FBXL17: variants seen among roughly 807,000 people sequenced by gnomAD.
FBXL17 encodes F-box and leucine rich repeat protein 17.
A neutral mutation model predicts 66.2 loss-of-function variants in FBXL17; 22 were observed. The observed-to-expected ratio is 0.33, with a 90% confidence interval of 0.24 to 0.47. The LOEUF (loss-of-function observed/expected upper bound fraction) is 0.47. Among genes scored for constraint, FBXL17 ranks in the 20% least tolerant of loss-of-function variants. The pLI, the probability that FBXL17 is intolerant of heterozygous loss-of-function variation, is 1.00. For synonymous variants in FBXL17, 474 were observed against 400.5 expected, an observed-to-expected ratio of 1.18 and a Z score of -2.19; for missense variants, 878 against 948.2, an observed-to-expected ratio of 0.93 and a Z score of 0.97.
chr5:108,068,603 G>C (rs951276901), intron 6 of FBXL17, among the ~76,000 whole-genome samples: 1 of 151,896 alleles, frequency 6.6e-6, no homozygotes, highest in Admixed American at 6.6e-5. Flanking sequence ...CTACAGGCGC[G>C]TGCCACCATG....
At chr5:108,341,984 C>T (rs1453124199) in intron 4 of FBXL17, among the ~76,000 whole-genome samples, 1 of 152,048 alleles carries the variant, frequency 6.6e-6, no homozygotes, top group African/African-American at 2.4e-5. Context: ...ACTATTTTTG[C>T]AATTGGTGTT....
chr5:108,184,664 A>T (rs1295428617), intron 6 of FBXL17, among the ~76,000 whole-genome samples: 1 of 147,836 alleles, frequency 6.8e-6, no homozygotes, highest in African/African-American at 2.5e-5. Context: ...GAATCCCTTG[A>T]ACCCAGGAGG....
chr5:107,964,731 G>C (rs931749062), intron 7 of FBXL17, among the ~76,000 whole-genome samples: 1 of 152,076 alleles, frequency 6.6e-6, no homozygotes, highest in African/African-American at 2.4e-5. Flanking sequence ...CATTCACCCA[G>C]GTATACAAAT....
At chr5:107,967,451 C>T (rs1211982079) in intron 7 of FBXL17, among the ~76,000 whole-genome samples, 2 of 145,586 alleles carry the variant, frequency 1.4e-5, no homozygotes. Context: ...TTTAAAACAA[C>T]ATTTTCACTC....
At chr5:108,251,110 T>C (rs969371097) in intron 4 of FBXL17, among the ~76,000 whole-genome samples, 2 of 152,088 alleles carry the variant, frequency 1.3e-5, no homozygotes, top group Non-Finnish European at 1.5e-5. Flanking sequence ...TTTCTTGCAG[T>C]CCAACTCTCA....
intron 6 of FBXL17, among the ~76,000 whole-genome samples, chr5:108,064,080 A>T (rs1320232408): frequency 1.3e-5 from 2 of 152,178 alleles, no homozygotes; most frequent in African/African-American, 4.8e-5. Flanking sequence ...CTGTTTAAAT[A>T]TTCATAATTA....
At chr5:107,884,453 C>T (rs1748893722) in intron 7 of FBXL17, among the ~76,000 whole-genome samples, 1 of 152,180 alleles carries the variant, frequency 6.6e-6, no homozygotes, top group African/African-American at 2.4e-5. Context: ...GCAACAGCAG[C>T]ACCTAGGGTG....
intron 6 of FBXL17, among the ~76,000 whole-genome samples, chr5:108,104,319 G>A (rs572494071): frequency 2.6e-5 from 4 of 152,328 alleles, no homozygotes; most frequent in East Asian, 1.9e-4. Context: ...TTACAGGCAT[G>A]AGCCACCGTG....
At chr5:108,200,752 G>T (rs1251942884) in intron 5 of FBXL17, among the ~76,000 whole-genome samples, 2 of 151,408 alleles carry the variant, frequency 1.3e-5, no homozygotes, top group African/African-American at 4.9e-5. Flanking sequence ...TTGAACAGAA[G>T]TCTACAGTGG....
intron 6 of FBXL17, among the ~76,000 whole-genome samples, chr5:108,137,634 G>A (rs1348883545): frequency 6.6e-6 from 1 of 152,088 alleles, no homozygotes; most frequent in Non-Finnish European, 1.5e-5. Context: ...TTCAGAAAAT[G>A]TACTGTACTT....
At chr5:107,898,640 G>T (rs1018040635) in intron 7 of FBXL17, among the ~76,000 whole-genome samples, 1 of 151,978 alleles carries the variant, frequency 6.6e-6, no homozygotes, top group African/African-American at 2.4e-5. Context: ...CTCGCAACAG[G>T]CCCCGGTGTG....
At chr5:108,058,752 T>G (rs2112839724) in intron 6 of FBXL17, among the ~76,000 whole-genome samples, 1 of 152,320 alleles carries the variant, frequency 6.6e-6, no homozygotes, top group African/African-American at 2.4e-5. Flanking sequence ...TTATTTATTC[T>G]GATATTCCTA....
chr5:108,095,796 T>C (rs116233193), intron 6 of FBXL17, among the ~76,000 whole-genome samples: 1,638 of 152,188 alleles, frequency 0.011, 38 homozygotes, highest in African/African-American at 0.037. Context: ...ATGACACAAA[T>C]TCGATTGTTT....
chr5:108,203,263 T>C (rs1753975401), intron 5 of FBXL17, among the ~76,000 whole-genome samples: 1 of 152,036 alleles, frequency 6.6e-6, no homozygotes, highest in Admixed American at 6.6e-5. Flanking sequence ...GGCAGGTAGA[T>C]GGTATTACTA....
chr5:108,140,395 T>A lies in FBXL17; in HGVS notation c.1745+45722A>T, dbSNP rs562279642. Among the ~76,000 whole-genome samples, 5 of 152,286 alleles carry A rather than the reference T, an allele frequency of 3.3e-5. No homozygotes were observed. The East Asian group carries it at 5.8e-4, about 18-fold the overall frequency. On this transcript the variant is annotated intron_variant, in intron 6 of 8. Transcript: ENST00000542267. The stretch of plus-strand genomic sequence containing the variant: ...AGAGTCTTCTTTTGCAAGATCCTCC[T>A]AATGCTAAATGCAAACTGCTTCCCA...
chr5:108,300,872 T>G lies in FBXL17; in HGVS notation c.1506+47527A>C, dbSNP rs148470387. ...ACTGATGACTCAAAATGATTTAGAA[T>G]GAAAGATCATAGTAAAATAAAATGA... On this transcript the variant is annotated intron_variant, in intron 4 of 8. Coordinates refer to ENST00000542267, the MANE Select transcript of FBXL17 (RefSeq NM_001163315.3). Among the ~76,000 whole-genome samples, 1,028 of 151,796 alleles carry G rather than the reference T, an allele frequency of 6.8e-3. 17 individuals are homozygous for G. Among genetic ancestry groups the G allele is most frequent in the African/African-American group, 0.023 (975 of 41,508 alleles).
chr5:107,897,894 T>C (rs1013541497), intron 7 of FBXL17, among the ~76,000 whole-genome samples: 2 of 149,368 alleles, frequency 1.3e-5, no homozygotes, highest in African/African-American at 2.5e-5. Flanking sequence ...AGGAATGAGA[T>C]TGTGGATATG....
intron 7 of FBXL17, among the ~76,000 whole-genome samples, chr5:107,956,753 G>C (rs1464918942): frequency 6.6e-6 from 1 of 152,090 alleles, no homozygotes. Context: ...CTCTGGGGTG[G>C]TGTGCTCCTA....
intron 4 of FBXL17, among the ~76,000 whole-genome samples, chr5:108,269,285 C>T (rs1211809234): frequency 1.3e-5 from 2 of 151,930 alleles, no homozygotes; most frequent in South Asian, 2.1e-4. Flanking sequence ...CTCAAAGTGG[C>T]GTATTTTGAG....
Sources: gnomAD v4.1 joint callset for allele counts (sites outside exome capture counted in the v4.1 genomes callset) on GRCh38, gnomAD v4.1.1 for gene constraint, MANE v1.5 for transcripts, NCBI Gene and HGNC (gene_info 2026-07-23, HGNC 2026-07-21) for gene names.